XKR9: variants seen among roughly 807,000 people sequenced by gnomAD.
XKR9 encodes the protein XK related 9, also known as XK-related protein 9.
In XKR9, 32 loss-of-function variants were observed where a neutral mutation model predicts 32.0. The ratio of observed to expected loss-of-function variants is 1.00; its 90% CI spans 0.76 to 1.34. The LOEUF (loss-of-function observed/expected upper bound fraction) is 1.34. XKR9 is among the 40% of genes most tolerant of loss of function. The pLI is 0.00. For missense variants in XKR9, 546 were observed against 429.7 expected (o/e 1.27, Z -2.39); for synonymous variants, 168 against 143.4 (o/e 1.17, Z -1.22).
At chr8:70,795,539 G>A in the XKR9 span, among the ~76,000 whole-genome samples, 3 of 152,074 alleles carry the variant, frequency 2.0e-5, no homozygotes, top group African/African-American at 4.8e-5. Flanking sequence ...CTGTGTTTAG[G>A]TCTTTGAGGA....
chr8:70,888,185 C>A, the XKR9 span, among the ~76,000 whole-genome samples: 1 of 151,868 alleles, frequency 6.6e-6, no homozygotes, highest in Non-Finnish European at 1.5e-5. Context: ...ATCTGTTAAC[C>A]AGTCTCTTAG....
downstream of XKR9, among the ~76,000 whole-genome samples, chr8:70,739,811 C>G (rs1447919399): frequency 1.3e-5 from 2 of 152,196 alleles, no homozygotes; most frequent in African/African-American, 2.4e-5. Context: ...TCTCTTCTGG[C>G]TTGTAGAGTT....
chr8:71,056,520 C>T, the XKR9 span, among the ~76,000 whole-genome samples: 19 of 152,136 alleles, frequency 1.2e-4, no homozygotes, highest in African/African-American at 3.9e-4. Flanking sequence ...GGTCATATGG[C>T]CTGGGCTTAA....
At chr8:70,783,207 C>T (rs1465258846) in intron 2 of XKR9, among the ~76,000 whole-genome samples, 1 of 151,316 alleles carries the variant, frequency 6.6e-6, no homozygotes, top group Non-Finnish European at 1.5e-5. Context: ...AAAAATATGT[C>T]TGTTGGCCAT....
chr8:70,810,800 G>A, the XKR9 span, among the ~76,000 whole-genome samples: 1 of 152,162 alleles, frequency 6.6e-6, no homozygotes, highest in Non-Finnish European at 1.5e-5. Context: ...CAAGTCCTTA[G>A]AGACCTACAA....
At chr8:70,804,750 TG>T in the XKR9 span, among the ~76,000 whole-genome samples, 7 of 152,354 alleles carry the variant, frequency 4.6e-5, no homozygotes, top group East Asian at 1.3e-3. Context: ...CTAAATATAA[TG>T]GGTAGTCAAA....
chr8:70,853,837 T>C, the XKR9 span, among the ~76,000 whole-genome samples: 18 of 152,314 alleles, frequency 1.2e-4, no homozygotes, highest in African/African-American at 4.3e-4. Context: ...TTCATCCATG[T>C]CCCTACAAAG....
intron 4 of XKR9, among the ~76,000 whole-genome samples, chr8:70,707,812 A>G (rs910861328): frequency 2.6e-5 from 4 of 152,056 alleles, no homozygotes; most frequent in African/African-American, 9.6e-5. Flanking sequence ...TGTTAAGGTA[A>G]AAATGTTCAT....
chr8:70,769,826 T>A (rs1296525090), intron 2 of XKR9, among the ~76,000 whole-genome samples: 1 of 152,076 alleles, frequency 6.6e-6, no homozygotes, highest in Non-Finnish European at 1.5e-5. Context: ...ATTATTCTAG[T>A]TAGCATTTCC....
rs1819072826 is a variant in XKR9 at position 70,681,273 on chromosome 8, A to G, written c.215A>G (p.Gln72Arg). 1 of 1,613,326 alleles carries G rather than the reference A, an allele frequency of 6.2e-7. No individual in the cohort carries two copies. Among genetic ancestry groups the G allele is most frequent in the Non-Finnish European group, 8.5e-7 (1 of 1,179,570 alleles). Residue 72 changes from glutamine (Q) to arginine (R), a missense_variant, in exon 3 of 5, where the codon CAA becomes CGA. By Grantham distance (43) the Gln-to-Arg change is conservative (BLOSUM62 1). Coordinates refer to ENST00000408926, the MANE Select transcript of XKR9 (RefSeq NM_001011720.2). Reference protein sequence around the residue: ...WFKADLKKAGQESQHCFLLLH... With the variant: ...WFKADLKKAGRESQHCFLLLH... The stretch of plus-strand genomic sequence containing the variant: ...AAGGCTGATTTAAAGAAAGCAGGCC[A>G]AGAAAGTCAGCATTGTTTTCTTCTA...
intron 2 of XKR9, among the ~76,000 whole-genome samples, chr8:70,741,995 C>T (rs988325809): frequency 8.6e-5 from 13 of 151,728 alleles, no homozygotes; most frequent in African/African-American, 3.1e-4. Context: ...TAATGGTCAC[C>T]CTAATGAATA....
chr8:70,884,251 TAA>T, the XKR9 span, among the ~76,000 whole-genome samples: 5 of 140,210 alleles, frequency 3.6e-5, no homozygotes, highest in African/African-American at 7.3e-5. Context: ...TGTTGAGTAT[TAA>T]GTTATTTTTG....
At chr8:70,934,121 C>G in the XKR9 span, among the ~76,000 whole-genome samples, 1 of 151,988 alleles carries the variant, frequency 6.6e-6, no homozygotes, top group Non-Finnish European at 1.5e-5. Flanking sequence ...TATATGTTGT[C>G]TTAATTGTGT....
intron 2 of XKR9, among the ~76,000 whole-genome samples, chr8:70,789,006 A>C (rs1380382750): frequency 6.6e-6 from 1 of 152,054 alleles, no homozygotes; most frequent in Non-Finnish European, 1.5e-5. Flanking sequence ...AATATAGTGA[A>C]GTTCCTTATG....
At chr8:71,052,594 G>A in the XKR9 span, among the ~76,000 whole-genome samples, 3 of 152,204 alleles carry the variant, frequency 2.0e-5, no homozygotes, top group Admixed American at 6.5e-5. Flanking sequence ...GCTCCAGGCA[G>A]TCAGTATTCA....
chr8:70,854,750 G>C, the XKR9 span, among the ~76,000 whole-genome samples: 3 of 152,176 alleles, frequency 2.0e-5, no homozygotes, highest in Non-Finnish European at 4.4e-5. Context: ...TGGCAAGCCA[G>C]TTTTCCCAGC....
At chr8:70,694,580 G>A (rs1805194391) in intron 3 of XKR9, among the ~76,000 whole-genome samples, 1 of 152,082 alleles carries the variant, frequency 6.6e-6, no homozygotes, top group African/African-American at 2.4e-5. Context: ...CTTCTGCCTT[G>A]GGTGGACTCA....
At chr8:70,875,885 G>A in the XKR9 span, among the ~76,000 whole-genome samples, 1 of 151,900 alleles carries the variant, frequency 6.6e-6, no homozygotes, top group Non-Finnish European at 1.5e-5. Flanking sequence ...ACTCTTATGG[G>A]GTTGATAGAA....
chr8:70,810,464 C>T, the XKR9 span, among the ~76,000 whole-genome samples: 14 of 152,176 alleles, frequency 9.2e-5, no homozygotes, highest in Admixed American at 2.6e-4. Flanking sequence ...TGTAAATGGG[C>T]GAAATGCTCC....
Sources: allele counts gnomAD v4.1 joint callset (sites outside exome capture counted in the v4.1 genomes callset), GRCh38; gene constraint gnomAD v4.1.1; transcripts MANE v1.5; gene names NCBI Gene and HGNC (gene_info 2026-07-23, HGNC 2026-07-21).